PIP: variants seen among roughly 807,000 people sequenced by gnomAD.
The protein encoded by PIP is prolactin-inducible protein.
Under a neutral mutation model 12.8 loss-of-function variants are expected in PIP, and 9 were observed. The ratio of observed to expected loss-of-function variants is 0.70; its 90% CI spans 0.42 to 1.23. PIP has a LOEUF of 1.23. Ranked by LOEUF, PIP falls within the 50% of genes most tolerant of loss-of-function variation. PIP has a pLI of 0.00. For synonymous variants in PIP, 60 were observed against 66.1 expected (o/e 0.91, Z 0.45); for missense variants, 172 against 179.5 (o/e 0.96, Z 0.24).
rs1359397161 is a variant in PIP, at chr7:143,139,521, CTG to C, written c.323_324del (p.Val108AlafsTer7). The C allele has an allele frequency of 3.1e-6, 5 of 1,613,414 alleles. No individual in the cohort carries two copies. Among genetic ancestry groups the C allele is most frequent in the East Asian group, 4.5e-5 (2 of 44,888 alleles). On this transcript the variant is annotated frameshift_variant, in exon 4 of 4. Coordinates refer to ENST00000291009, the MANE Select transcript of PIP (RefSeq NM_002652.3). LOFTEE classifies it low-confidence loss of function (END_TRUNC). Reference sequence around the variant, plus strand: ...TCTCCGTCCCTGTCTTTTTCAGGAACTGTGCAAATTGCAGCCGTCGTTGATGT... The same window carrying C: ...TCTCCGTCCCTGTCTTTTTCAGGAACTGCAAATTGCAGCCGTCGTTGATGT...
chr7:143,138,329 T>C (rs1250039487), intron 2 of PIP, among the ~76,000 whole-genome samples: 1 of 152,066 alleles, frequency 6.6e-6, no homozygotes, highest in Non-Finnish European at 1.5e-5. Context: ...TTCCCCTGCC[T>C]GAGTCCACAG....
At chr7:143,132,340 T>A (rs997921799) in intron 1 of PIP, 129 bp downstream of exon 1, 2 of 1,009,798 alleles carry the variant, frequency 2.0e-6, no homozygotes, top group African/African-American at 1.6e-5. Flanking sequence ...GGAGCTCCCA[T>A]GGATCTCCTG....
intron 1 of PIP, among the ~76,000 whole-genome samples, chr7:143,133,939 C>A (rs2116566054): frequency 6.6e-6 from 1 of 151,170 alleles, no homozygotes; most frequent in Middle Eastern, 3.4e-3. Context: ...TACACTGCAC[C>A]ATATTTGTAG....
intron 2 of PIP, among the ~76,000 whole-genome samples, chr7:143,138,692 A>G (rs1438576548): frequency 6.6e-6 from 1 of 152,142 alleles, no homozygotes; most frequent in Non-Finnish European, 1.5e-5. Context: ...GCAAGTGGCC[A>G]GGCTGCTGTC....
intron 1 of PIP, among the ~76,000 whole-genome samples, chr7:143,134,513 G>A (rs185527336): frequency 7.3e-5 from 11 of 151,650 alleles, no homozygotes; most frequent in African/African-American, 2.7e-4. Context: ...CTGCATCCAC[G>A]CCAACATCTA....
At chr7:143,138,542 G>T (rs769001709) in intron 2 of PIP, among the ~76,000 whole-genome samples, 2 of 152,162 alleles carry the variant, frequency 1.3e-5, no homozygotes, top group African/African-American at 2.4e-5. Flanking sequence ...GCCAGGTTTG[G>T]TAGTTAATTG....
chr7:143,132,145 C>A lies in PIP; in HGVS notation c.29C>A (p.Ala10Asp). ...CGCTTGCTCCAGCTCCTGTTCAGGG[C>A]CAGCCCTGCCACCCTGCTCCTGGTT... MRLLQLLFR[A>D]SPATLLLVLC... The change falls in exon 1 of 4, where the codon GCC (alanine) becomes GAC (aspartate). Residue 10 changes from alanine (A) to aspartate (D), a missense_variant. Physicochemically the swap from Ala to Asp is moderately radical, Grantham distance 126. Transcript: ENST00000291009. 6.2e-7 allele frequency: 1 copy of A among 1,611,918 alleles called. No individual in the cohort carries two copies. Among genetic ancestry groups the A allele is most frequent in the East Asian group, 2.2e-5 (1 of 44,876 alleles).
chr7:143,135,148 A>G (rs1430299275), intron 1 of PIP, 46 bp from the exon 2 acceptor site: 2 of 1,010,292 alleles, frequency 2.0e-6, no homozygotes, highest in Non-Finnish European at 3.1e-6. Flanking sequence ...TCACTCAAAG[A>G]TTGGTCTCTG....
chr7:143,133,967 CT>C (rs1415930452), intron 1 of PIP, among the ~76,000 whole-genome samples: 6 of 151,182 alleles, frequency 4.0e-5, no homozygotes, highest in African/African-American at 1.5e-4. Flanking sequence ...GCCCTCACCC[CT>C]CTCCCACTCT....
chr7:143,133,405 A>C (rs1391053980), intron 1 of PIP, among the ~76,000 whole-genome samples: 2 of 152,030 alleles, frequency 1.3e-5, no homozygotes, highest in Non-Finnish European at 2.9e-5. Flanking sequence ...GGCACCAAAA[A>C]ATAGAATCTC....
intron 2 of PIP, among the ~76,000 whole-genome samples, chr7:143,135,865 C>T (rs1212164682): frequency 3.3e-5 from 5 of 152,190 alleles, no homozygotes; most frequent in Admixed American, 6.5e-5. Context: ...CTTTTCCCCA[C>T]GTTCAGAAGT....
At chr7:143,139,004 T>G in intron 2 of PIP, 71 bp from the exon 3 acceptor site, 2 of 818,368 alleles carry the variant, frequency 2.4e-6, no homozygotes, top group Non-Finnish European at 4.4e-6. Flanking sequence ...CTTTTCCCTC[T>G]CCTATTTTTC....
chr7:143,135,785 T>C (rs1441590493), intron 2 of PIP, among the ~76,000 whole-genome samples: 97 of 152,012 alleles, frequency 6.4e-4, no homozygotes, highest in Admixed American at 6.4e-3. Flanking sequence ...GCTCCTTTGC[T>C]CTGGGTCACC....
In PIP at chr7:143,139,202, G is replaced by T; in HGVS notation, c.316+13G>T. The T allele has an allele frequency of 7.0e-7, 1 of 1,431,482 alleles. No individual in the cohort carries two copies. Among genetic ancestry groups the T allele is most frequent in the Non-Finnish European group, 9.9e-7 (1 of 1,012,864 alleles). 88.7% of individuals were successfully genotyped at this position (1,431,482 alleles called of 1,614,324 possible). On this transcript the variant is annotated intron_variant, in intron 3 of 3. Coordinates refer to ENST00000291009, the MANE Select transcript of PIP (RefSeq NM_002652.3). Reference sequence around the variant, plus strand: ...TTTTACACCAACAGTAAGTACAGAAGTTGTCCAAGGAGGGAACTACCCACC... The same window carrying T: ...TTTTACACCAACAGTAAGTACAGAATTTGTCCAAGGAGGGAACTACCCACC...
chr7:143,135,053 T>C (rs751903058), intron 1 of PIP, 141 bp from the exon 2 acceptor site: 8 of 501,518 alleles, frequency 1.6e-5, no homozygotes, highest in African/African-American at 3.8e-5. Context: ...TTCCAGGGGA[T>C]TCCAATGCTG....
rs1799298831 is a variant in PIP, at chr7:143,135,370, C to A, written c.201+71C>A. ...CTTGATTATAAACATAATTTAATCT[C>A]TCACTTTAATAATGTACAGTGTACT... On this transcript the variant is annotated intron_variant, in intron 2 of 3. Transcript: ENST00000291009. 6.9e-6 allele frequency: 5 copies of A among 725,470 alleles called. No individual in the cohort carries two copies. The South Asian group carries it at 8.0e-5, about 12-fold the overall frequency. 44.9% of individuals were successfully genotyped at this position (725,470 alleles called of 1,614,324 possible).
intron 1 of PIP, among the ~76,000 whole-genome samples, chr7:143,134,713 A>G (rs1255785869): frequency 6.6e-6 from 1 of 151,994 alleles, no homozygotes; most frequent in Non-Finnish European, 1.5e-5. Flanking sequence ...GTAGGATGTT[A>G]TCAGGAAGTG....
rs780052491 is a variant in PIP, at chr7:143,139,150, G to A, written c.277G>A (p.Asp93Asn). 12 of 1,603,876 alleles carry A rather than the reference G, an allele frequency of 7.5e-6. No individual in the cohort carries two copies. Among genetic ancestry groups the A allele is most frequent in the Admixed American group, 3.3e-5 (2 of 59,964 alleles). ...TAAGTATACTGCCTGCCTATGTGAC[G>A]ACAATCCAAAAACCTTCTACTGGGA... is the stretch of plus-strand genomic sequence containing the variant. ...NYKYTACLCD[D>N]NPKTFYWDFY... is the part of the protein sequence containing the mutation. Residue 93 changes from aspartate (D) to asparagine (N), a missense_variant, in exon 3 of 4, where the codon GAC (aspartate) becomes AAC (asparagine). Transcript: ENST00000291009.
intron 1 of PIP, among the ~76,000 whole-genome samples, chr7:143,134,408 C>A (rs1238684033): frequency 6.6e-6 from 1 of 150,602 alleles, no homozygotes; most frequent in Admixed American, 6.6e-5. Context: ...AATGGTGGTT[C>A]TATTTTTAGT....
Sources: gnomAD v4.1 joint callset for allele counts (sites outside exome capture counted in the v4.1 genomes callset) on GRCh38, gnomAD v4.1.1 for gene constraint, MANE v1.5 for transcripts, NCBI Gene and HGNC (gene_info 2026-07-23, HGNC 2026-07-21) for gene names.